SRGAP3: variants seen among roughly 807,000 people sequenced by gnomAD.
The protein encoded by SRGAP3 is SLIT-ROBO Rho GTPase-activating protein 3.
A neutral mutation model predicts 121.1 loss-of-function variants in SRGAP3; 39 were observed. The ratio of observed to expected loss-of-function variants is 0.32; its 90% CI spans 0.25 to 0.42. SRGAP3 has a LOEUF of 0.42. SRGAP3 is among the 10% of genes least tolerant of loss of function. SRGAP3 has a pLI of 1.00. For missense variants in SRGAP3, 1,213 were observed against 1,470.6 expected, an observed-to-expected ratio of 0.82 and a Z score of 2.86; for synonymous variants, 601 against 570.0, an observed-to-expected ratio of 1.05 and a Z score of -0.77.
rs531899882 is a variant in SRGAP3 at position 9,195,542 on chromosome 3, T to G, written c.67+53343A>C. Among the ~76,000 whole-genome samples the G allele has an allele frequency of 7.2e-5, 11 of 152,150 alleles. 1 individual carries two copies. In the South Asian group the frequency reaches 2.3e-3, roughly 32 times the overall value. ...CAGACTAGGATTACCTGAAGCCACT[T>G]CCTCCCTCAGCTCCTCCCCCTCCCC... On this transcript the variant is annotated intron_variant, in intron 1 of 21. Transcript: ENST00000383836.
chr3:9,003,421 G>C (rs1287960071), intron 18 of SRGAP3, among the ~76,000 whole-genome samples: 2 of 152,136 alleles, frequency 1.3e-5, no homozygotes, highest in Non-Finnish European at 2.9e-5. Context: ...AGAGGTTGCA[G>C]TGAGCCAAGA....
At chr3:9,240,480 A>G (rs918065822) in intron 1 of SRGAP3, among the ~76,000 whole-genome samples, 11 of 152,144 alleles carry the variant, frequency 7.2e-5, no homozygotes, top group Non-Finnish European at 1.3e-4. Context: ...ACCCGGCTAG[A>G]CACCCTTGCC....
At position 9,025,010 on chromosome 3, in the gene SRGAP3, C is replaced by T. The variant is rs1218049848; in HGVS notation, c.1678+251G>A. ...GTGCTGGTGGTAGGTAAATGTTGAACAGTTAACTCTTTGGCAGGTAACAAT... is the reference window on the plus strand; with the variant it reads ...GTGCTGGTGGTAGGTAAATGTTGAATAGTTAACTCTTTGGCAGGTAACAAT... On this transcript the variant is annotated intron_variant, in intron 14 of 21. Transcript: ENST00000383836. 2.0e-5 allele frequency among the ~76,000 whole-genome samples: 3 copies of T among 152,112 alleles called. No homozygotes were observed. In the East Asian group the frequency reaches 5.8e-4, roughly 29 times the overall value.
chr3:9,099,121 G>T (rs2124891048), intron 3 of SRGAP3, among the ~76,000 whole-genome samples: 1 of 152,304 alleles, frequency 6.6e-6, no homozygotes, highest in South Asian at 2.1e-4. Context: ...TACAAAGCAA[G>T]GCAATTATTG....
At chr3:9,183,767 AACAC>A (rs62971361) in intron 1 of SRGAP3, among the ~76,000 whole-genome samples, 72,778 of 148,016 alleles carry the variant, frequency 0.49, 18,010 homozygotes, top group Admixed American at 0.56. Context: ...CAAATTTGCT[AACAC>A]ACACACACAC....
chr3:9,132,982 A>G (rs1949513317), intron 1 of SRGAP3, among the ~76,000 whole-genome samples: 1 of 150,464 alleles, frequency 6.6e-6, no homozygotes, highest in Admixed American at 6.6e-5. Context: ...TCATTCCAGA[A>G]ATAATGGCAT....
At chr3:9,246,300 T>C (rs1953821764) in intron 1 of SRGAP3, among the ~76,000 whole-genome samples, 1 of 152,198 alleles carries the variant, frequency 6.6e-6, no homozygotes, top group African/African-American at 2.4e-5. Context: ...GGCCAGATGA[T>C]TCCCAGGGAG....
At chr3:9,205,509 T>A (rs1339516509) in intron 1 of SRGAP3, among the ~76,000 whole-genome samples, 6 of 152,176 alleles carry the variant, frequency 3.9e-5, no homozygotes, top group Non-Finnish European at 8.8e-5. Flanking sequence ...CCTCCTGAAG[T>A]AAGCATTTGC....
In SRGAP3 at chr3:9,113,704, C is replaced by T. The variant is rs1012973709; in HGVS notation, c.261-8862G>A. The stretch of plus-strand genomic sequence containing the variant: ...GTGGAGATAACTGAATCATGGGGGA[C>T]GGTTCCCCCATGCTGTTCTCATGAT... On this transcript the variant is annotated intron_variant, in intron 2 of 21. Coordinates refer to ENST00000383836, the MANE Select transcript of SRGAP3 (RefSeq NM_014850.4). Among the ~76,000 whole-genome samples, 8 of 152,036 alleles carry T rather than the reference C, an allele frequency of 5.3e-5. No homozygotes were observed. The East Asian group carries it at 5.8e-4, about 11-fold the overall frequency.
Position 8,984,603 on chromosome 3 carries a change from TC to T in SRGAP3, c.*915del. 4.3e-6 allele frequency: 1 copy of T among 232,346 alleles called. No individual in the cohort carries two copies. 14.4% of individuals were successfully genotyped at this position (232,346 alleles called of 1,614,324 possible). A position where few individuals can be genotyped will look rare whatever the true frequency, so the allele number is the denominator to read the frequency against. On this transcript the variant is annotated 3_prime_UTR_variant, in exon 22 of 22. Transcript: ENST00000383836. ...TACGATGGGGCTTAGGTTCTCACTA[TC>T]CCCCGTCTCTACACACAAACACAAG... is the stretch of plus-strand genomic sequence containing the variant.
chr3:9,202,818 C>T (rs1289322904), intron 1 of SRGAP3, among the ~76,000 whole-genome samples: 3 of 152,228 alleles, frequency 2.0e-5, no homozygotes, highest in African/African-American at 7.2e-5. Flanking sequence ...CCCCAGCTGC[C>T]CACAGTGGCT....
chr3:9,256,239 C>T (rs1186065793), intron 3 of SRGAP3, among the ~76,000 whole-genome samples: 1 of 152,202 alleles, frequency 6.6e-6, no homozygotes, highest in Non-Finnish European at 1.5e-5. Context: ...CACATGTCTG[C>T]GTGTGTGTCC....
In SRGAP3 at chr3:9,025,241, G is replaced by T. The variant is rs761810648; in HGVS notation, c.1678+20C>A. 7 of 1,613,844 alleles carry T rather than the reference G, an allele frequency of 4.3e-6. No homozygotes were observed. The East Asian group carries it at 1.6e-4, about 36-fold the overall frequency. On this transcript the variant is annotated intron_variant, in intron 14 of 21. Coordinates refer to ENST00000383836, the MANE Select transcript of SRGAP3 (RefSeq NM_014850.4). ...TGGCTTCCCCTGGCCACAAGCCTAA[G>T]ATGGTCGCTCTGCACCCACCTCTCT...
Position 8,982,056 on chromosome 3 carries a change from G to T in SRGAP3, c.*3463C>A, listed in dbSNP as rs1941442273. The T allele has an allele frequency of 4.4e-6, 1 of 226,230 alleles. No homozygotes were observed. The highest frequency in any genetic ancestry group is 2.2e-5 in the African/African-American group (1 of 44,950). 14.0% of individuals were successfully genotyped at this position (226,230 alleles called of 1,614,324 possible). A position where few individuals can be genotyped will look rare whatever the true frequency, so the allele number is the denominator to read the frequency against. On this transcript the variant is annotated 3_prime_UTR_variant, in exon 22 of 22. Coordinates refer to ENST00000383836, the MANE Select transcript of SRGAP3 (RefSeq NM_014850.4). ...GGGAATAAAAGGGGACGGGGAGAGT[G>T]GGGTAGGAAGCACAGCTTGTTCTCA...
chr3:9,089,686 T>C (rs570233309), intron 3 of SRGAP3, among the ~76,000 whole-genome samples: 1 of 152,312 alleles, frequency 6.6e-6, no homozygotes, highest in Non-Finnish European at 1.5e-5. Context: ...GACATGGTCA[T>C]GTCTTGCTTC....
intron 3 of SRGAP3, among the ~76,000 whole-genome samples, chr3:9,299,827 C>A (rs1015012061): frequency 2.0e-5 from 3 of 152,040 alleles, no homozygotes; most frequent in African/African-American, 7.2e-5. Context: ...GGAGATTGAA[C>A]CTGGGAGGCG....
At chr3:9,347,357 T>G (rs1413683461) in intron 1 of SRGAP3, among the ~76,000 whole-genome samples, 10 of 152,222 alleles carry the variant, frequency 6.6e-5, no homozygotes, top group Non-Finnish European at 8.8e-5. Flanking sequence ...GTATAATTTT[T>G]TAAATGATAA....
intron 1 of SRGAP3, among the ~76,000 whole-genome samples, chr3:9,357,108 C>T (rs1277712183): frequency 2.0e-5 from 3 of 151,886 alleles, no homozygotes; most frequent in Non-Finnish European, 2.9e-5. Context: ...ACTAAAAGTA[C>T]AAAAATTAGC....
At position 9,010,943 on chromosome 3, in the gene SRGAP3, G is replaced by C. The variant is rs1230091019; in HGVS notation, c.2148-556C>G. Among the ~76,000 whole-genome samples the C allele has an allele frequency of 2.0e-5, 3 of 152,302 alleles. No homozygotes were observed. In the East Asian group the frequency reaches 5.8e-4, roughly 29 times the overall value. ...AGTGGCTGAGTAATCCAGTCCATCA[G>C]ATTTAATTGTTAATGTGCTGGTATA... On this transcript the variant is annotated intron_variant, in intron 17 of 21. Coordinates refer to ENST00000383836, the MANE Select transcript of SRGAP3 (RefSeq NM_014850.4).
Sources: allele counts gnomAD v4.1 joint callset (sites outside exome capture counted in the v4.1 genomes callset), GRCh38; gene constraint gnomAD v4.1.1; transcripts MANE v1.5; gene names NCBI Gene and HGNC (gene_info 2026-07-23, HGNC 2026-07-21).